DOCK11: variants seen among roughly 807,000 people sequenced by gnomAD.
The protein encoded by DOCK11 is dedicator of cytokinesis protein 11.
DOCK11 carries 70 observed loss-of-function variants against 169.1 expected under a neutral mutation model. That is an observed-to-expected ratio of 0.41 (90% CI 0.34 to 0.51). The LOEUF is 0.51. Among genes scored for constraint, DOCK11 ranks in the 20% least tolerant of loss-of-function variants. The pLI, the probability that DOCK11 is intolerant of heterozygous loss-of-function variation, is 0.10. For synonymous variants in DOCK11, 529 were observed against 541.3 expected (o/e 0.98, Z 0.32); for missense variants, 1,166 against 1,538.8 (o/e 0.76, Z 4.05).
chrX:118,681,580 C>T, intron 50 of DOCK11, 114 bp from the exon 51 acceptor site: 1 of 504,215 alleles, frequency 2.0e-6, no homozygotes, highest in South Asian at 5.1e-5. Flanking sequence ...ATATATTTCT[C>T]AGATATGGAT....
chrX:118,619,685 TG>T (rs894213706), intron 31 of DOCK11, among the ~76,000 whole-genome samples: 4 of 109,676 alleles, frequency 3.6e-5, no homozygotes, highest in Admixed American at 9.8e-5. Flanking sequence ...TTCTTCTTAC[TG>T]AAAAAAATGT....
intron 6 of DOCK11, among the ~76,000 whole-genome samples, chrX:118,553,621 T>A (rs905099956): frequency 9.0e-6 from 1 of 111,696 alleles, no homozygotes; most frequent in Non-Finnish European, 1.9e-5. Flanking sequence ...AGTCCTTAAA[T>A]CCTTAACTCT....
chrX:118,548,252 T>TA (rs1200918085), intron 6 of DOCK11, among the ~76,000 whole-genome samples: 1 of 112,386 alleles, frequency 8.9e-6, no homozygotes, highest in Non-Finnish European at 1.9e-5. Flanking sequence ...TCTAATTTTG[T>TA]AGGAGTCCAT....
chrX:118,648,280 G>A (rs1266802981), intron 40 of DOCK11, among the ~76,000 whole-genome samples: 1 of 87,014 alleles, frequency 1.1e-5, no homozygotes, highest in Non-Finnish European at 2.2e-5. Flanking sequence ...GTGATATAGT[G>A]GCAATTACTT....
At chrX:118,641,829 G>A (rs899186209) in intron 39 of DOCK11, among the ~76,000 whole-genome samples, 2 of 111,589 alleles carry the variant, frequency 1.8e-5, no homozygotes, top group African/African-American at 6.5e-5. Flanking sequence ...GATAATGGAC[G>A]TGAGAGTGCT....
chrX:118,656,155 G>C (rs1961449479), intron 44 of DOCK11, among the ~76,000 whole-genome samples: 1 of 110,450 alleles, frequency 9.1e-6, no homozygotes. Context: ...GCTGGGCATG[G>C]TGTCACATGC....
At chrX:118,542,500 C>CTG (rs753325572) in intron 1 of DOCK11, among the ~76,000 whole-genome samples, 1,503 of 84,720 alleles carry the variant, frequency 0.018, 19 homozygotes, top group Middle Eastern at 0.036. Context: ...AAGAGAATGT[C>CTG]TGTGTGTGTG....
At chrX:118,522,948 G>T (rs780887818) in intron 1 of DOCK11, among the ~76,000 whole-genome samples, 28 of 112,341 alleles carry the variant, frequency 2.5e-4, no homozygotes, top group African/African-American at 9.0e-4. Context: ...GACTCTATTT[G>T]CTCACTTGGG....
chrX:118,647,512 TA>T (rs1422939281), intron 40 of DOCK11, among the ~76,000 whole-genome samples: 1 of 66,303 alleles, frequency 1.5e-5, no homozygotes, highest in Non-Finnish European at 2.6e-5. Flanking sequence ...TATTATATAA[TA>T]ATATAATATA....
chrX:118,651,258 A>G (rs189468079), intron 41 of DOCK11, among the ~76,000 whole-genome samples: 12 of 111,573 alleles, frequency 1.1e-4, no homozygotes, highest in African/African-American at 3.9e-4. Context: ...ACATGGCAAA[A>G]TCCTGTCCCT....
At chrX:118,508,669 T>C (rs2147309921) in intron 1 of DOCK11, among the ~76,000 whole-genome samples, 1 of 111,813 alleles carries the variant, frequency 8.9e-6, no homozygotes, top group African/African-American at 3.2e-5. Context: ...CAGCCGAGTG[T>C]TTACGACATG....
chrX:118,562,446 C>A (rs1345056423), intron 7 of DOCK11, among the ~76,000 whole-genome samples: 1 of 111,573 alleles, frequency 9.0e-6, no homozygotes, highest in Non-Finnish European at 1.9e-5. Flanking sequence ...TCTTGTCTTG[C>A]TCCAGTTCAA....
At chrX:118,664,467 C>A (rs1300849857) in intron 45 of DOCK11, among the ~76,000 whole-genome samples, 1 of 109,826 alleles carries the variant, frequency 9.1e-6, no homozygotes, top group African/African-American at 3.3e-5. Flanking sequence ...ACCAGCCTGG[C>A]CAACATGGCT....
intron 35 of DOCK11, among the ~76,000 whole-genome samples, chrX:118,634,571 G>C (rs780384350): frequency 1.8e-5 from 2 of 112,561 alleles, no homozygotes; most frequent in African/African-American, 6.4e-5. Context: ...CCACAGGAGA[G>C]GGAGGCCAGC....
chrX:118,586,313 C>T (rs922556780), intron 16 of DOCK11, among the ~76,000 whole-genome samples: 1 of 111,452 alleles, frequency 9.0e-6, no homozygotes, highest in African/African-American at 3.3e-5. Context: ...AATTGACTCA[C>T]AGTTCTGTAT....
intron 6 of DOCK11, among the ~76,000 whole-genome samples, chrX:118,552,370 C>T (rs1461473151): frequency 1.8e-5 from 2 of 111,667 alleles, no homozygotes; most frequent in Non-Finnish European, 3.8e-5. Flanking sequence ...GCATTCAAGT[C>T]GATGGGCTGT....
chrX:118,630,234 C>A (rs968747446), intron 34 of DOCK11, 145 bp from the exon 35 acceptor site: 2 of 414,799 alleles, frequency 4.8e-6, no homozygotes, highest in Admixed American at 3.5e-5. Flanking sequence ...AAAGATTCAG[C>A]CCATTCACCT....
intron 1 of DOCK11, among the ~76,000 whole-genome samples, chrX:118,513,153 T>C (rs2057660451): frequency 8.9e-6 from 1 of 111,870 alleles, no homozygotes; most frequent in African/African-American, 3.2e-5. Context: ...ACTCCTTCTC[T>C]CCCCTTCTCA....
At chrX:118,668,614 TGTAA>T (rs1383039743) in intron 45 of DOCK11, among the ~76,000 whole-genome samples, 1 of 111,712 alleles carries the variant, frequency 9.0e-6, no homozygotes, top group Non-Finnish European at 1.9e-5. Flanking sequence ...GAAAAGCCAA[TGTAA>T]GTAAAATATT....
Sources: gnomAD v4.1 joint callset for allele counts (sites outside exome capture counted in the v4.1 genomes callset) on GRCh38, gnomAD v4.1.1 for gene constraint, MANE v1.5 for transcripts, NCBI Gene and HGNC (gene_info 2026-07-23, HGNC 2026-07-21) for gene names.